KCNMA1: variants seen among roughly 807,000 people sequenced by gnomAD.
KCNMA1 encodes potassium calcium-activated channel subfamily M alpha 1, also known as Calcium-activated potassium channel subunit alpha-1.
In KCNMA1, 29 loss-of-function variants were observed where a neutral mutation model predicts 140.0. The observed-to-expected ratio is 0.21, with a 90% confidence interval of 0.15 to 0.28. KCNMA1 has a LOEUF of 0.28. Ranked by LOEUF, KCNMA1 falls within the 10% of genes least tolerant of loss-of-function variation. The probability of loss-of-function intolerance (pLI) is 1.00; values close to 1 mark genes in which losing one functional copy is unlikely to be tolerated. For missense variants in KCNMA1, 880 were observed against 1,602.2 expected (o/e 0.55, Z 7.70); for synonymous variants, 612 against 611.9 (o/e 1.00, Z 0.00).
chr10:76,882,049 G>C (rs1053238581), downstream of KCNMA1, among the ~76,000 whole-genome samples: 1 of 152,152 alleles, frequency 6.6e-6, no homozygotes, highest in South Asian at 2.1e-4. Flanking sequence ...TCCAGCCACA[G>C]GGCTGCAGGT....
intron 1 of KCNMA1, among the ~76,000 whole-genome samples, chr10:77,582,328 G>T (rs923685509): frequency 3.3e-5 from 5 of 152,188 alleles, no homozygotes; most frequent in African/African-American, 1.2e-4. Context: ...GCCTGCATCA[G>T]GGTTATTATG....
At chr10:76,965,557 T>C (rs1306444024) in intron 20 of KCNMA1, among the ~76,000 whole-genome samples, 1 of 152,194 alleles carries the variant, frequency 6.6e-6, no homozygotes, top group Non-Finnish European at 1.5e-5. Context: ...AAAACCTTCA[T>C]GACTGGGTGC....
At chr10:76,925,040 G>A (rs540951248) in intron 23 of KCNMA1, among the ~76,000 whole-genome samples, 3 of 152,110 alleles carry the variant, frequency 2.0e-5, no homozygotes, top group Non-Finnish European at 4.4e-5. Flanking sequence ...CTTCCAGGAC[G>A]TCTGCCTTGA....
chr10:77,391,384 A>G (rs1001532703), intron 2 of KCNMA1, among the ~76,000 whole-genome samples: 7 of 152,140 alleles, frequency 4.6e-5, no homozygotes, highest in East Asian at 1.9e-4. Flanking sequence ...CACAAGGCCA[A>G]TTTTACAAAC....
At chr10:77,567,935 T>C (rs765557405) in intron 1 of KCNMA1, among the ~76,000 whole-genome samples, 22 of 152,128 alleles carry the variant, frequency 1.4e-4, no homozygotes, top group Non-Finnish European at 2.8e-4. Context: ...CTACAAAAAG[T>C]ACAAAAATTA....
chr10:77,066,803 C>T (rs921040863), intron 14 of KCNMA1, among the ~76,000 whole-genome samples: 29 of 152,160 alleles, frequency 1.9e-4, no homozygotes, highest in Non-Finnish European at 5.9e-5. Flanking sequence ...CTAATTTCCA[C>T]CATGTGGGTT....
intron 1 of KCNMA1, among the ~76,000 whole-genome samples, chr10:77,412,016 C>T (rs558266171): frequency 6.6e-6 from 1 of 152,198 alleles, no homozygotes; most frequent in African/African-American, 2.4e-5. Context: ...CTGAGCTCTG[C>T]CGGGCCTGAC....
At position 77,005,887 on chromosome 10, in the gene KCNMA1, A is replaced by T. The variant is rs35244797; in HGVS notation, c.2093-4307T>A. The stretch of plus-strand genomic sequence containing the variant: ...GTTTAAAACAAAAAGGCTTCTCAGA[A>T]GTGTTCTTGGACAACTTTTCCTCTA... On this transcript the variant is annotated intron_variant, in intron 18 of 27. Transcript: ENST00000286628. Among the ~76,000 whole-genome samples, 13 of 152,116 alleles carry T rather than the reference A, an allele frequency of 8.5e-5. No homozygotes were observed. In the East Asian group the frequency reaches 2.1e-3, roughly 25 times the overall value.
intron 1 of KCNMA1, among the ~76,000 whole-genome samples, chr10:77,619,314 G>GTCTCTC (rs61564819): frequency 1.1e-4 from 10 of 91,530 alleles, no homozygotes; most frequent in Non-Finnish European, 1.9e-4. Flanking sequence ...CTGTCTGTCT[G>GTCTCTC]TCTCTCTCTC....
intron 5 of KCNMA1, among the ~76,000 whole-genome samples, chr10:77,144,061 A>G (rs1214969762): frequency 6.6e-6 from 1 of 152,148 alleles, no homozygotes; most frequent in African/African-American, 2.4e-5. Flanking sequence ...CCAGAGACTC[A>G]ATTTCTAAGT....
chr10:77,146,570 C>G (rs1214027266), intron 5 of KCNMA1, among the ~76,000 whole-genome samples: 1 of 151,704 alleles, frequency 6.6e-6, no homozygotes, highest in Non-Finnish European at 1.5e-5. Flanking sequence ...GGCGTGGTGG[C>G]CTGCACCTGT....
intron 13 of KCNMA1, 113 bp from the exon 14 acceptor site, chr10:77,073,365 C>T: frequency 9.7e-7 from 1 of 1,031,690 alleles, no homozygotes; most frequent in Non-Finnish European, 1.5e-6. Flanking sequence ...CAGTCTTGCC[C>T]TTCTTTTCCC....
chr10:77,192,111 A>T (rs1371392270), intron 3 of KCNMA1, among the ~76,000 whole-genome samples: 1 of 152,160 alleles, frequency 6.6e-6, no homozygotes, highest in Non-Finnish European at 1.5e-5. Flanking sequence ...TTGACTTCAG[A>T]GCAGTTGTAA....
At chr10:77,351,684 T>C (rs1056434826) in intron 2 of KCNMA1, among the ~76,000 whole-genome samples, 2 of 152,156 alleles carry the variant, frequency 1.3e-5, no homozygotes, top group African/African-American at 2.4e-5. Context: ...AAATTGTTTA[T>C]ATGAGTCATT....
chr10:77,145,550 A>T (rs1422652092), intron 5 of KCNMA1, among the ~76,000 whole-genome samples: 2 of 152,174 alleles, frequency 1.3e-5, no homozygotes, highest in African/African-American at 4.8e-5. Flanking sequence ...GAAGTCATAG[A>T]TCTTCATCTA....
intron 23 of KCNMA1, among the ~76,000 whole-genome samples, chr10:76,922,016 C>T (rs1296735107): frequency 1.3e-5 from 2 of 152,142 alleles, no homozygotes; most frequent in Non-Finnish European, 2.9e-5. Flanking sequence ...AGGTAGCCCC[C>T]AACAAGGTGC....
At chr10:76,940,160 G>A (rs544486250) in intron 23 of KCNMA1, among the ~76,000 whole-genome samples, 3 of 152,248 alleles carry the variant, frequency 2.0e-5, no homozygotes, top group African/African-American at 7.2e-5. Context: ...CTGTCACATC[G>A]GATATACCAT....
chr10:77,636,989 C>G (rs1371890623), intron 1 of KCNMA1: 1 of 1,408,920 alleles, frequency 7.1e-7, no homozygotes, highest in African/African-American at 1.5e-5. Flanking sequence ...CCGGCCCCAG[C>G]CGCAGCCGCC....
At chr10:77,250,347 A>G (rs1280203727) in intron 3 of KCNMA1, 1 of 152,298 alleles carries the variant, frequency 6.6e-6, no homozygotes, top group African/African-American at 2.4e-5. Flanking sequence ...GCCACAACAG[A>G]AAATGAGTTA....
Sources: gnomAD v4.1 joint callset for allele counts (sites outside exome capture counted in the v4.1 genomes callset) on GRCh38, gnomAD v4.1.1 for gene constraint, MANE v1.5 for transcripts, NCBI Gene and HGNC (gene_info 2026-07-23, HGNC 2026-07-21) for gene names.